Variants in LOC400499 observed in about 807,000 individuals in gnomAD.
chr16:11,428,449 C>T, the LOC400499 span, among the ~76,000 whole-genome samples: 23,277 of 152,138 alleles, frequency 0.15, 3,461 homozygotes, highest in African/African-American at 0.38. Flanking sequence ...GTTGAGATTA[C>T]AGGCGTGAGC....
At chr16:11,440,918 G>A in the LOC400499 span, 3,043 of 399,080 alleles carry the variant, frequency 7.6e-3, 93 homozygotes, top group African/African-American at 0.057. Context: ...ACCAGTGTCT[G>A]CCCAATCTGG....
the LOC400499 span, among the ~76,000 whole-genome samples, chr16:11,455,788 G>A: frequency 6.7e-6 from 1 of 150,014 alleles, no homozygotes; most frequent in African/African-American, 2.4e-5. Context: ...AACATAGGCA[G>A]ATGTGACAAA....
the LOC400499 span, among the ~76,000 whole-genome samples, chr16:11,404,350 T>G: frequency 6.6e-6 from 1 of 152,132 alleles, no homozygotes; most frequent in Non-Finnish European, 1.5e-5. Flanking sequence ...ATGCAGGTGC[T>G]CAGTCATGGC....
chr16:11,451,689 G>C, the LOC400499 span, among the ~76,000 whole-genome samples: 194 of 152,358 alleles, frequency 1.3e-3, no homozygotes, highest in African/African-American at 4.6e-3. Context: ...CTAGGAGGAA[G>C]TGACAATTTA....
the LOC400499 span, among the ~76,000 whole-genome samples, chr16:11,473,424 C>T: frequency 1.3e-5 from 2 of 151,690 alleles, no homozygotes; most frequent in African/African-American, 4.8e-5. Flanking sequence ...CAGTTGAGAT[C>T]ATATTCAGTG....
At chr16:11,389,977 G>A in the LOC400499 span, 76 of 503,430 alleles carry the variant, frequency 1.5e-4, no homozygotes, top group South Asian at 1.6e-3. Flanking sequence ...TCTGTAAAAC[G>A]AGGAGAGAAG....
At chr16:11,408,425 G>A in the LOC400499 span, among the ~76,000 whole-genome samples, 1 of 150,396 alleles carries the variant, frequency 6.6e-6, no homozygotes, top group Non-Finnish European at 1.5e-5. Flanking sequence ...ATAACTTCCT[G>A]GACACTTCAA....
At chr16:11,527,152 G>A in the LOC400499 span, among the ~76,000 whole-genome samples, 1 of 152,178 alleles carries the variant, frequency 6.6e-6, no homozygotes, top group Non-Finnish European at 1.5e-5. Context: ...GGACCAGACC[G>A]AGGAGTCCCA....
chr16:11,490,291 G>A, the LOC400499 span, among the ~76,000 whole-genome samples: 48,541 of 151,242 alleles, frequency 0.32, 8,666 homozygotes, highest in African/African-American at 0.46. Context: ...AGCTACTCAA[G>A]AGGCTGAGTC....
the LOC400499 span, among the ~76,000 whole-genome samples, chr16:11,415,949 G>A: frequency 8.2e-6 from 1 of 122,548 alleles, no homozygotes; most frequent in South Asian, 2.5e-4. Flanking sequence ...TTTTTTTGCT[G>A]TTGTTGTTTT....
the LOC400499 span, chr16:11,384,207 C>G: frequency 2.4e-6 from 3 of 1,230,672 alleles, no homozygotes; most frequent in East Asian, 3.2e-5. Context: ...GGCAGGTGCA[C>G]CCGCTCACCT....
chr16:11,373,478 C>T, the LOC400499 span, among the ~76,000 whole-genome samples: 3 of 151,906 alleles, frequency 2.0e-5, no homozygotes, highest in Non-Finnish European at 4.4e-5. Context: ...GGATTACATG[C>T]GCCTGCCACC....
the LOC400499 span, chr16:11,472,593 C>T: frequency 6.6e-6 from 1 of 152,260 alleles, no homozygotes; most frequent in Admixed American, 6.5e-5. Flanking sequence ...CACTTCCCAG[C>T]TGTGTGACCT....
At chr16:11,460,886 C>A in the LOC400499 span, 1 of 1,440,522 alleles carries the variant, frequency 6.9e-7, no homozygotes, top group Non-Finnish European at 9.1e-7. Flanking sequence ...TATCTCAGCT[C>A]ACGGAGCCAC....
the LOC400499 span, among the ~76,000 whole-genome samples, chr16:11,506,064 C>T: frequency 6.6e-6 from 1 of 152,182 alleles, no homozygotes; most frequent in Middle Eastern, 3.4e-3. Flanking sequence ...GAGATGGAGT[C>T]TCACTCTTGT....
At chr16:11,404,284 C>T in the LOC400499 span, among the ~76,000 whole-genome samples, 1 of 152,178 alleles carries the variant, frequency 6.6e-6, no homozygotes, top group East Asian at 1.9e-4. Context: ...TGAGGGGTGA[C>T]ACCTGGGCCA....
the LOC400499 span, among the ~76,000 whole-genome samples, chr16:11,506,375 C>A: frequency 6.6e-6 from 1 of 152,220 alleles, no homozygotes; most frequent in African/African-American, 2.4e-5. Flanking sequence ...TGTGGGACAT[C>A]CGGAAGTCTA....
chr16:11,439,664 C>A, the LOC400499 span: 1 of 398,382 alleles, frequency 2.5e-6, no homozygotes, highest in East Asian at 3.6e-5. Context: ...TGGGCAAATG[C>A]ATCCCAGAAT....
the LOC400499 span, chr16:11,424,225 C>G: frequency 0.26 from 105,154 of 399,076 alleles, 14,242 homozygotes; most frequent in Middle Eastern, 0.34. Context: ...TCGGGGGTCA[C>G]GTCCTCCAGG....
Sources: allele counts gnomAD v4.1 joint callset (sites outside exome capture counted in the v4.1 genomes callset), GRCh38; gene constraint gnomAD v4.1.1; transcripts MANE v1.5.